The following IL1RAPL2 variants were observed in gnomAD, a reference collection of about 807,000 sequenced individuals.
The protein encoded by IL1RAPL2 is X-linked interleukin-1 receptor accessory protein-like 2.
Under a neutral mutation model 44.1 loss-of-function variants are expected in IL1RAPL2, and 3 were observed. That is an observed-to-expected ratio of 0.07 (90% CI 0.03 to 0.18). The LOEUF is 0.18. Among genes scored for constraint, IL1RAPL2 ranks in the 10% least tolerant of loss-of-function variants. The pLI is 1.00. For synonymous variants in IL1RAPL2, 181 were observed against 178.8 expected (o/e 1.01, Z -0.10); for missense variants, 391 against 496.4 (o/e 0.79, Z 2.02).
chrX:105,409,056 A>G lies in IL1RAPL2; in HGVS notation c.698-75257A>G, dbSNP rs932934417. Among the ~76,000 whole-genome samples, 4 of 111,682 alleles carry G rather than the reference A, an allele frequency of 3.6e-5. No homozygotes were observed. The East Asian group carries it at 1.1e-3, about 32-fold the overall frequency. ...TATCAAAATTTTTCTTATGGCTGAT[A>G]GGAGGTTTATTTCCCAAATCTCTCT... On this transcript the variant is annotated intron_variant, in intron 5 of 10. Coordinates refer to ENST00000372582, the MANE Select transcript of IL1RAPL2 (RefSeq NM_017416.2).
At chrX:104,975,519 A>G (rs1406196674) in intron 2 of IL1RAPL2, among the ~76,000 whole-genome samples, 3 of 112,704 alleles carry the variant, frequency 2.7e-5, no homozygotes, top group African/African-American at 9.7e-5. Context: ...TTGGAATATG[A>G]CAAGTTATTT....
intron 2 of IL1RAPL2, among the ~76,000 whole-genome samples, chrX:104,720,306 G>A (rs1931652377): frequency 9.0e-6 from 1 of 111,517 alleles, no homozygotes; most frequent in Non-Finnish European, 1.9e-5. Flanking sequence ...AATTCAGAGA[G>A]ATCCAAGATG....
intron 7 of IL1RAPL2, among the ~76,000 whole-genome samples, chrX:105,739,698 A>G (rs1484582452): frequency 9.4e-6 from 1 of 106,001 alleles, no homozygotes; most frequent in African/African-American, 3.4e-5. Flanking sequence ...TTATGGCTGC[A>G]TAGTATTCCA....
intron 5 of IL1RAPL2, among the ~76,000 whole-genome samples, chrX:105,461,339 C>T (rs780577640): frequency 3.6e-5 from 4 of 111,337 alleles, no homozygotes; most frequent in Non-Finnish European, 7.6e-5. Context: ...GGATAAGGGA[C>T]TTGGGCAAGA....
intron 2 of IL1RAPL2, among the ~76,000 whole-genome samples, chrX:104,916,410 C>T (rs1222870870): frequency 9.0e-6 from 1 of 111,590 alleles, no homozygotes; most frequent in Non-Finnish European, 1.9e-5. Context: ...GATTTTTGTA[C>T]ATTGATTTTG....
chrX:104,658,756 T>C (rs1306681526), intron 1 of IL1RAPL2, 139 bp from the exon 2 acceptor site: 1 of 433,100 alleles, frequency 2.3e-6, no homozygotes, highest in Non-Finnish European at 4.0e-6. Context: ...TTCTTCTATT[T>C]GCAAAAAATA....
At chrX:104,882,274 A>C (rs1923091373) in intron 2 of IL1RAPL2, among the ~76,000 whole-genome samples, 1 of 112,355 alleles carries the variant, frequency 8.9e-6, no homozygotes, top group Non-Finnish European at 1.9e-5. Context: ...AAGGGGCATA[A>C]GTTGGTGTGG....
At chrX:104,899,114 C>T (rs182305476) in intron 2 of IL1RAPL2, among the ~76,000 whole-genome samples, 63 of 111,850 alleles carry the variant, frequency 5.6e-4, no homozygotes, top group Admixed American at 5.1e-3. Flanking sequence ...ATACATTTTA[C>T]ATTTGCAATC....
intron 5 of IL1RAPL2, among the ~76,000 whole-genome samples, chrX:105,280,127 C>G: frequency 9.0e-6 from 1 of 111,615 alleles, no homozygotes; most frequent in Middle Eastern, 4.6e-3. Context: ...TAACACCACA[C>G]ATCTACAATC....
At chrX:104,601,245 A>G (rs1928875698) in intron 1 of IL1RAPL2, among the ~76,000 whole-genome samples, 1 of 110,261 alleles carries the variant, frequency 9.1e-6, no homozygotes, top group African/African-American at 3.3e-5. Context: ...CGTCATTTAC[A>G]TTAGGTATAT....
chrX:105,406,648 G>A (rs2035647618), intron 5 of IL1RAPL2: 1 of 1,150,252 alleles, frequency 8.7e-7, no homozygotes, highest in Middle Eastern at 3.4e-4. Flanking sequence ...AATCTTTGCT[G>A]TGCAAATCTT....
intron 2 of IL1RAPL2, among the ~76,000 whole-genome samples, chrX:104,899,862 T>C (rs1478048319): frequency 8.0e-5 from 9 of 112,143 alleles, no homozygotes; most frequent in Non-Finnish European, 1.9e-5. Flanking sequence ...CTATCATCTA[T>C]GTGCTCGTAG....
At chrX:105,045,285 T>C (rs1407084744) in intron 2 of IL1RAPL2, among the ~76,000 whole-genome samples, 1 of 111,705 alleles carries the variant, frequency 9.0e-6, no homozygotes, top group Non-Finnish European at 1.9e-5. Flanking sequence ...CTATGGTGTA[T>C]GTGCTGGGTA....
chrX:104,683,109 T>A (rs1930918749), intron 2 of IL1RAPL2, among the ~76,000 whole-genome samples: 1 of 111,438 alleles, frequency 9.0e-6, no homozygotes, highest in African/African-American at 3.3e-5. Flanking sequence ...TGATATACAC[T>A]TCACTTCTTG....
Position 105,755,218 on chromosome X carries a change from G to C in IL1RAPL2, c.1234G>C (p.Asp412His). The change falls in exon 10 of 11, where the codon GAC becomes CAC. Residue 412 changes from aspartate to histidine, a missense_variant. By Grantham distance (81) the Asp-to-His change is moderately conservative (BLOSUM62 -1). This residue lies in a region of IL1RAPL2 where 232 missense variants were observed against 244.8 expected (regional missense o/e 0.95). Transcript: ENST00000372582. The stretch of plus-strand genomic sequence containing the variant: ...TGCCTATCTCTCTTACACAAAAGTG[G>C]ACCAAGATACTTTAGACTGTGACAA... ...YDAYLSYTKV[D>H]QDTLDCDNPE... 8.3e-7 allele frequency: 1 copy of C among 1,200,498 alleles called. No homozygotes were observed. Among genetic ancestry groups the C allele is most frequent in the Non-Finnish European group, 1.1e-6 (1 of 886,696 alleles).
intron 2 of IL1RAPL2, among the ~76,000 whole-genome samples, chrX:104,670,842 TTTAC>T (rs1242850380): frequency 9.0e-6 from 1 of 111,620 alleles, no homozygotes; most frequent in Non-Finnish European, 1.9e-5. Flanking sequence ...AAATGGTGTT[TTTAC>T]TTGTTTGCTT....
intron 1 of IL1RAPL2, among the ~76,000 whole-genome samples, chrX:104,568,195 G>A (rs928032625): frequency 3.6e-5 from 4 of 110,342 alleles, no homozygotes; most frequent in Admixed American, 9.7e-5. Flanking sequence ...CCTCCAAGAA[G>A]GAATCCTCCT....
At chrX:104,969,905 T>TA (rs1488250161) in intron 2 of IL1RAPL2, among the ~76,000 whole-genome samples, 2 of 111,833 alleles carry the variant, frequency 1.8e-5, no homozygotes, top group Admixed American at 1.9e-4. Context: ...GACACTCTCA[T>TA]ACACTAGTTT....
intron 2 of IL1RAPL2, among the ~76,000 whole-genome samples, chrX:104,949,250 G>A (rs1362613234): frequency 9.1e-6 from 1 of 109,386 alleles, no homozygotes; most frequent in Non-Finnish European, 1.9e-5. Flanking sequence ...TATTTCTGTG[G>A]GATCGGTGGT....
Sources: allele counts gnomAD v4.1 joint callset (sites outside exome capture counted in the v4.1 genomes callset), GRCh38; gene constraint gnomAD v4.1.1; regional missense constraint gnomAD v4.1.1; transcripts MANE v1.5; gene names NCBI Gene and HGNC (gene_info 2026-07-23, HGNC 2026-07-21).